Variants in ZMAT4 observed in about 807,000 individuals in gnomAD.
ZMAT4 encodes zinc finger matrin-type 4, also known as zinc finger matrin-type protein 4.
A neutral mutation model predicts 28.7 loss-of-function variants in ZMAT4; 17 were observed. That is an observed-to-expected ratio of 0.59 (90% CI 0.41 to 0.89). The LOEUF is 0.89. Ranked by LOEUF, ZMAT4 falls within the 40% of genes least tolerant of loss-of-function variation. ZMAT4 has a pLI of 0.00. For missense variants in ZMAT4, 240 were observed against 283.8 expected, an observed-to-expected ratio of 0.85 and a Z score of 1.11; for synonymous variants, 117 against 109.2, an observed-to-expected ratio of 1.07 and a Z score of -0.44.
At chr8:40,580,770 T>A (rs7005939) in intron 6 of ZMAT4, among the ~76,000 whole-genome samples, 1 of 152,032 alleles carries the variant, frequency 6.6e-6, no homozygotes, top group Admixed American at 6.5e-5. Context: ...CCTGGGGGAT[T>A]TGTTATGTTT....
chr8:40,599,355 CACAT>C (rs1356431082), intron 5 of ZMAT4, among the ~76,000 whole-genome samples: 3 of 152,122 alleles, frequency 2.0e-5, no homozygotes, highest in African/African-American at 7.2e-5. Flanking sequence ...TATGTACACA[CACAT>C]ACATATGTAT....
At chr8:40,788,380 C>T (rs113874747) in intron 2 of ZMAT4, among the ~76,000 whole-genome samples, 50 of 151,970 alleles carry the variant, frequency 3.3e-4, no homozygotes, top group Admixed American at 1.8e-3. Context: ...GTCAGGAGAT[C>T]GAGATCATCC....
At chr8:40,834,420 A>T (rs566382731) in intron 1 of ZMAT4, among the ~76,000 whole-genome samples, 3 of 152,216 alleles carry the variant, frequency 2.0e-5, no homozygotes, top group African/African-American at 7.2e-5. Context: ...TCAGATTTTC[A>T]CTGTAAATTC....
chr8:40,582,722 TC>T (rs1449157983), intron 5 of ZMAT4, among the ~76,000 whole-genome samples: 1 of 152,232 alleles, frequency 6.6e-6, no homozygotes, highest in Non-Finnish European at 1.5e-5. Context: ...ATTTGACCCT[TC>T]TGGACTTCTG....
chr8:40,620,659 A>C (rs1347845763), intron 5 of ZMAT4, among the ~76,000 whole-genome samples: 2 of 152,224 alleles, frequency 1.3e-5, no homozygotes, highest in Non-Finnish European at 2.9e-5. Context: ...CTTGTTTTAC[A>C]AATGTTATTA....
intron 6 of ZMAT4, among the ~76,000 whole-genome samples, chr8:40,538,242 C>T (rs1046782923): frequency 2.0e-5 from 3 of 152,178 alleles, no homozygotes; most frequent in Admixed American, 6.5e-5. Flanking sequence ...TTTGTTTTAA[C>T]CCAGACATTC....
At chr8:40,868,869 G>A (rs962023040) in intron 1 of ZMAT4, among the ~76,000 whole-genome samples, 7 of 152,122 alleles carry the variant, frequency 4.6e-5, no homozygotes, top group South Asian at 4.1e-4. Context: ...GCACACCCCC[G>A]CCAGAAGATT....
chr8:40,547,433 G>A (rs948174550), intron 6 of ZMAT4, among the ~76,000 whole-genome samples: 9 of 152,204 alleles, frequency 5.9e-5, no homozygotes, highest in African/African-American at 2.2e-4. Context: ...AATGAAGGAA[G>A]CCACAGCATG....
chr8:40,536,996 T>A (rs562536086), intron 6 of ZMAT4, among the ~76,000 whole-genome samples: 1 of 152,228 alleles, frequency 6.6e-6, no homozygotes, highest in African/African-American at 2.4e-5. Flanking sequence ...TCTCTGCATG[T>A]TGATAGCTCT....
At chr8:40,661,725 C>T (rs1808204013) in intron 5 of ZMAT4, among the ~76,000 whole-genome samples, 1 of 152,190 alleles carries the variant, frequency 6.6e-6, no homozygotes, top group Non-Finnish European at 1.5e-5. Flanking sequence ...CACAAAAAAG[C>T]CCACAGCTTT....
chr8:40,873,692 A>C (rs938767759), intron 1 of ZMAT4, among the ~76,000 whole-genome samples: 3 of 152,160 alleles, frequency 2.0e-5, no homozygotes, highest in African/African-American at 7.2e-5. Context: ...ATCTAGATTC[A>C]CAGGATCTGG....
chr8:40,789,495 A>G (rs997317464), intron 2 of ZMAT4, among the ~76,000 whole-genome samples: 1 of 152,216 alleles, frequency 6.6e-6, no homozygotes, highest in Admixed American at 6.5e-5. Flanking sequence ...AAAATTAGAT[A>G]ACACAACAGG....
chr8:40,743,840 C>T (rs902088060), intron 3 of ZMAT4, among the ~76,000 whole-genome samples: 11 of 151,978 alleles, frequency 7.2e-5, no homozygotes, highest in African/African-American at 2.4e-4. Context: ...GGAGAAGGAG[C>T]GGCTGATTCT....
At chr8:40,710,780 A>G (rs1440589959) in intron 3 of ZMAT4, among the ~76,000 whole-genome samples, 1 of 140,568 alleles carries the variant, frequency 7.1e-6, no homozygotes, top group African/African-American at 2.6e-5. Context: ...TAAAAAGATC[A>G]AGACTTTTCT....
chr8:40,779,824 T>A (rs1813756649), intron 2 of ZMAT4, among the ~76,000 whole-genome samples: 1 of 152,190 alleles, frequency 6.6e-6, no homozygotes, highest in Non-Finnish European at 1.5e-5. Context: ...GTCTTCTGGC[T>A]TCAGCTGGAT....
At chr8:40,660,654 A>G (rs1808146552) in intron 5 of ZMAT4, among the ~76,000 whole-genome samples, 1 of 152,182 alleles carries the variant, frequency 6.6e-6, no homozygotes, top group South Asian at 2.1e-4. Flanking sequence ...AGTCATACAA[A>G]GGTTTCAGAT....
chr8:40,714,983 A>G (rs1172345246), intron 3 of ZMAT4, among the ~76,000 whole-genome samples: 6 of 137,258 alleles, frequency 4.4e-5, no homozygotes, highest in Non-Finnish European at 7.6e-5. Context: ...CAGGAGTCGG[A>G]GGTTGCAGTG....
chr8:40,699,502 C>G (rs1388168517), intron 3 of ZMAT4, among the ~76,000 whole-genome samples: 2 of 152,086 alleles, frequency 1.3e-5, no homozygotes, highest in African/African-American at 4.8e-5. Context: ...GATAACTTCA[C>G]TCTTATGTTT....
At chr8:40,876,469 T>G (rs951680771) in intron 1 of ZMAT4, among the ~76,000 whole-genome samples, 1 of 151,986 alleles carries the variant, frequency 6.6e-6, no homozygotes, top group East Asian at 1.9e-4. Context: ...GGCGCCACCA[T>G]GCCTGGATAC....
Sources: allele counts gnomAD v4.1 joint callset (sites outside exome capture counted in the v4.1 genomes callset), GRCh38; gene constraint gnomAD v4.1.1; transcripts MANE v1.5; gene names NCBI Gene and HGNC (gene_info 2026-07-23, HGNC 2026-07-21).